Variants in DBNL observed in about 807,000 individuals in gnomAD.
DBNL encodes the protein drebrin-like protein.
In DBNL, 35 loss-of-function variants were observed where a neutral mutation model predicts 62.2. That is an observed-to-expected ratio of 0.56 (90% CI 0.43 to 0.75). DBNL has a LOEUF of 0.75. Among genes scored for constraint, DBNL ranks in the 30% least tolerant of loss-of-function variants. DBNL has a pLI of 0.00. For synonymous variants in DBNL, 197 were observed against 218.0 expected (o/e 0.90, Z 0.85); for missense variants, 495 against 578.4 (o/e 0.86, Z 1.48).
Position 44,065,659 on chromosome 7 carries a change from A to G in DBNL, c.*4743A>G. On this transcript the variant is annotated 3_prime_UTR_variant, in exon 13 of 13. Transcript: ENST00000448521. ...GCCAATCAGCATTCCAGGCGGTGGC[A>G]GGTGACCAGTAGCTGAGCTGCTGGG... 1 of 892,684 alleles carries G rather than the reference A, an allele frequency of 1.1e-6. No homozygotes were observed. Among genetic ancestry groups the G allele is most frequent in the East Asian group, 2.5e-5 (1 of 39,816 alleles). 55.3% of individuals were successfully genotyped at this position (892,684 alleles called of 1,614,324 possible). A position where few individuals can be genotyped will look rare whatever the true frequency, so the allele number is the denominator to read the frequency against.
chr7:44,063,007 T>C lies in DBNL; in HGVS notation c.*2091T>C. The C allele has an allele frequency of 6.7e-7, 1 of 1,486,022 alleles. No homozygotes were observed. Among genetic ancestry groups the C allele is most frequent in the Non-Finnish European group, 9.4e-7 (1 of 1,064,020 alleles). 92.1% of individuals were successfully genotyped at this position (1,486,022 alleles called of 1,614,324 possible). On this transcript the variant is annotated 3_prime_UTR_variant, in exon 13 of 13. Coordinates refer to ENST00000448521, the MANE Select transcript of DBNL (RefSeq NM_001014436.3). ...CACAGCAGACACTATGTGACCTTTA[T>C]GGTCCACAGAGCCAGTTCCCCTGGC...
chr7:44,057,984 G>A (rs2096139608), intron 6 of DBNL, 125 bp downstream of exon 6: 5 of 1,531,552 alleles, frequency 3.3e-6, no homozygotes. Flanking sequence ...TGGTCACACT[G>A]AGGCTCGGGT....
chr7:44,051,581 TG>T, intron 2 of DBNL: 1 of 343,338 alleles, frequency 2.9e-6, no homozygotes. Flanking sequence ...TAAACGAGTG[TG>T]GGTAAAAAAA....
At position 44,062,734 on chromosome 7, in the gene DBNL, G is replaced by T. The variant is rs368555190; in HGVS notation, c.*1818G>T. 6 of 1,612,182 alleles carry T rather than the reference G, an allele frequency of 3.7e-6. No homozygotes were observed. Among genetic ancestry groups the T allele is most frequent in the Non-Finnish European group, 5.1e-6 (6 of 1,178,932 alleles). On this transcript the variant is annotated 3_prime_UTR_variant, in exon 13 of 13. Transcript: ENST00000448521. The stretch of plus-strand genomic sequence containing the variant: ...CTGCGCTGGACTCCAGGCTGTTGGG[G>T]GAGGTGCCTTTATTGCCCAAGCCCA...
Position 44,060,798 on chromosome 7 carries a change from T to A in DBNL, c.1175T>A (p.Phe392Tyr). 1.2e-6 allele frequency: 2 copies of A among 1,614,044 alleles called. No homozygotes were observed. The highest frequency in any genetic ancestry group is 1.7e-6 in the Non-Finnish European group (2 of 1,179,958). ...GCAGCCGACGACACAGAGATCTCCT[T>A]TGACCCCGAGAACCTCATCACGGGC... ...YQAADDTEIS[F>Y]DPENLITGIE... The change falls in exon 13 of 13, where the codon TTT becomes TAT. Residue 392 changes from phenylalanine (F) to tyrosine (Y), a missense_variant. Transcript: ENST00000448521. This position sits in a 1 kb window ranked among gnomAD's most constrained non-coding sequence, Gnocchi z 6.3.
chr7:44,056,710 C>G (rs1014819755), intron 4 of DBNL, 47 bp from the exon 5 acceptor site: 1 of 1,612,198 alleles, frequency 6.2e-7, no homozygotes, highest in Non-Finnish European at 8.5e-7. Flanking sequence ...TTTGGCCCAT[C>G]TCCTGGGCTT....
chr7:44,063,263 G>GTT lies in DBNL; in HGVS notation c.*2358_*2359dup. 5.8e-6 allele frequency: 2 copies of GTT among 344,222 alleles called. No homozygotes were observed. The highest frequency in any genetic ancestry group is 1.3e-4 in the East Asian group (2 of 14,884). 21.3% of individuals were successfully genotyped at this position (344,222 alleles called of 1,614,324 possible). ...GGTCAGGAAGGGACACTCACCCTTT[G>GTT]TTTTTTTTTTTTCTTTTCTTTTTCT... On this transcript the variant is annotated 3_prime_UTR_variant, in exon 13 of 13. Coordinates refer to ENST00000448521, the MANE Select transcript of DBNL (RefSeq NM_001014436.3).
Position 44,065,387 on chromosome 7 carries a change from G to C in DBNL, c.*4471G>C. On this transcript the variant is annotated 3_prime_UTR_variant, in exon 13 of 13. Transcript: ENST00000448521. Reference sequence around the variant, plus strand: ...GTAGCAGATGTCAAACTCCATCTTGGCATCCTTGATGGCCTTGGCTCCCCG... The same window carrying C: ...GTAGCAGATGTCAAACTCCATCTTGCCATCCTTGATGGCCTTGGCTCCCCG... 1 of 1,614,024 alleles carries C rather than the reference G, an allele frequency of 6.2e-7. No homozygotes were observed.
chr7:44,051,962 T>C lies in DBNL; in HGVS notation c.252+20T>C. 1 of 1,608,966 alleles carries C rather than the reference T, an allele frequency of 6.2e-7. No individual in the cohort carries two copies. The highest frequency in any genetic ancestry group is 8.5e-7 in the Non-Finnish European group (1 of 1,175,486). ...AACTGGGTATGTGGAGCCTGTTTCA[T>C]CTAGGTGTGACCCAGGAAACCCCAT... On this transcript the variant is annotated intron_variant, in intron 3 of 12. Coordinates refer to ENST00000448521, the MANE Select transcript of DBNL (RefSeq NM_001014436.3).
Position 44,061,264 on chromosome 7 carries a change from T to C in DBNL, c.*348T>C. On this transcript the variant is annotated 3_prime_UTR_variant, in exon 13 of 13. Transcript: ENST00000448521. ...GGGCATCTGGGAGGCTCTGGCTGCCTTCTGCATTTATTTGCCTTTTTTCTT... is the reference window on the plus strand; with the variant it reads ...GGGCATCTGGGAGGCTCTGGCTGCCCTCTGCATTTATTTGCCTTTTTTCTT... 1 of 269,746 alleles carries C rather than the reference T, an allele frequency of 3.7e-6. No homozygotes were observed. The highest frequency in any genetic ancestry group is 7.1e-6 in the Non-Finnish European group (1 of 140,624). 16.7% of individuals were successfully genotyped at this position (269,746 alleles called of 1,614,324 possible). A position where few individuals can be genotyped will look rare whatever the true frequency, so the allele number is the denominator to read the frequency against.
At chr7:44,051,667 G>A (rs1321554067) in intron 2 of DBNL, 163 bp from the exon 3 acceptor site, 5 of 611,212 alleles carry the variant, frequency 8.2e-6, no homozygotes, top group Non-Finnish European at 1.4e-5. Flanking sequence ...TAGTGAGGGT[G>A]GTGCCCAGGA....
At chr7:44,058,651 C>T (rs887442155) in intron 8 of DBNL, 171 bp downstream of exon 8, 3 of 977,652 alleles carry the variant, frequency 3.1e-6, no homozygotes, top group South Asian at 1.6e-5. Context: ...AAGCCAAAGG[C>T]GGAAGCGTCG....
At position 44,060,921 on chromosome 7, in the gene DBNL, G is replaced by C; in HGVS notation, c.*5G>C. 2 of 1,613,406 alleles carry C rather than the reference G, an allele frequency of 1.2e-6. No individual in the cohort carries two copies. The highest frequency in any genetic ancestry group is 3.3e-4 in the Middle Eastern group (2 of 6,048). On this transcript the variant is annotated 3_prime_UTR_variant, in exon 13 of 13. Transcript: ENST00000448521. The surrounding 1 kb of genome is among the most constrained non-coding windows in gnomAD (Gnocchi z 6.3). ...TACGTGGAGCTCATTGAGTGAGGCT[G>C]AGGGCACATCTTGCCCTTCCCCTCT...
rs1261113344 is a variant in DBNL at position 44,061,714 on chromosome 7, GA to G, written c.*800del. On this transcript the variant is annotated 3_prime_UTR_variant, in exon 13 of 13. Transcript: ENST00000448521. ...AAGAACAAATATGCTTTTGGACCAC[GA>G]ATTCCCAGTTTGGTCTACACAGGCT... The G allele has an allele frequency of 1.3e-5, 2 of 152,234 alleles. No individual in the cohort carries two copies. The highest frequency in any genetic ancestry group is 2.9e-5 in the Non-Finnish European group (2 of 68,098). 9.4% of individuals were successfully genotyped at this position (152,234 alleles called of 1,614,324 possible). A position where few individuals can be genotyped will look rare whatever the true frequency, so the allele number is the denominator to read the frequency against.
At chr7:44,044,963 CCTCCACACCGCAG>C in intron 1 of DBNL, 143 bp downstream of exon 1, 1 of 702,428 alleles carries the variant, frequency 1.4e-6, no homozygotes, top group Non-Finnish European at 2.1e-6. Flanking sequence ...CCTGTCTGCC[CCTCCACACCGCAG>C]CAGGAGTGCT....
Position 44,060,762 on chromosome 7 carries a change from T to C in DBNL, c.1154-15T>C. On this transcript the variant is annotated splice_polypyrimidine_tract_variant and intron_variant, in intron 12 of 12. Transcript: ENST00000448521. The surrounding 1 kb of genome is among the most constrained non-coding windows in gnomAD (Gnocchi z 6.3). ...GGGAGCCCCTGATATGCATCTGGGC[T>C]CATCCTCTTTGCAGCCGACGACACA... 6 of 1,612,460 alleles carry C rather than the reference T, an allele frequency of 3.7e-6. No homozygotes were observed. Among genetic ancestry groups the C allele is most frequent in the Non-Finnish European group, 5.1e-6 (6 of 1,179,066 alleles).
rs760205991 is a variant in DBNL, at chr7:44,065,137, G to A, written c.*4221G>A. On this transcript the variant is annotated 3_prime_UTR_variant, in exon 13 of 13. Transcript: ENST00000448521. ...CCACCTTGCTAATGGAGTTGTAGTA[G>A]GGGTGCTTCTCGTCCATCGGGGGCG... is the stretch of plus-strand genomic sequence containing the variant. The A allele has an allele frequency of 1.9e-6, 3 of 1,613,936 alleles. No individual in the cohort carries two copies. The highest frequency in any genetic ancestry group is 2.5e-6 in the Non-Finnish European group (3 of 1,180,052).
rs752572489 is a variant in DBNL, at chr7:44,058,964, C to T, written c.816C>T (p.Ser272=). 1 of 1,614,004 alleles carries T rather than the reference C, an allele frequency of 6.2e-7. No homozygotes were observed. Among genetic ancestry groups the T allele is most frequent in the Admixed American group, 1.7e-5 (1 of 60,014 alleles). ...KQKERAMSTT[S]ISSPQPGKLR... is the part of the protein sequence containing the mutation. ...AGGAGAGGGCCATGTCCACCACCTC[C>T]ATCTCCAGTCCTCAGCCTGGTGAGC... The change falls in exon 9 of 13, where the codon TCC becomes TCT. Residue 272 remains serine (S), a synonymous_variant. Coordinates refer to ENST00000448521, the MANE Select transcript of DBNL (RefSeq NM_001014436.3).
chr7:44,050,174 G>A, intron 1 of DBNL, 51 bp from the exon 2 acceptor site: 1 of 1,598,580 alleles, frequency 6.3e-7, no homozygotes, highest in Non-Finnish European at 8.6e-7. Flanking sequence ...ACGGTGAGGA[G>A]AGATGGAACC....
Sources: allele counts gnomAD v4.1 joint callset, GRCh38; gene constraint gnomAD v4.1.1; non-coding constraint Gnocchi (gnomAD v3.1); transcripts MANE v1.5; gene names NCBI Gene and HGNC (gene_info 2026-07-23, HGNC 2026-07-21).